Variants in TWSG1 observed in about 807,000 individuals in gnomAD.
The protein encoded by TWSG1 is twisted gastrulation BMP signaling modulator 1, also known as twisted gastrulation protein homolog 1.
A neutral mutation model predicts 23.0 loss-of-function variants in TWSG1; 15 were observed. The observed-to-expected ratio is 0.65, with a 90% CI of 0.44 to 1.00. The LOEUF is 1.00. Among genes scored for constraint, TWSG1 ranks in the 50% least tolerant of loss-of-function variants. The probability of loss-of-function intolerance (pLI) is 0.00; values close to 1 mark genes in which losing one functional copy is unlikely to be tolerated. For missense variants in TWSG1, 242 were observed against 278.7 expected (o/e 0.87, Z 0.94); for synonymous variants, 86 against 92.8 (o/e 0.93, Z 0.42).
At chr18:9,351,378 A>G (rs1487816090) in intron 2 of TWSG1, among the ~76,000 whole-genome samples, 1 of 152,134 alleles carries the variant, frequency 6.6e-6, no homozygotes, top group Non-Finnish European at 1.5e-5. Context: ...ATTATTTTTA[A>G]CAATTTTATG....
At chr18:9,343,210 TTATATATATATATATATATATATATATA>T (rs6146209) in intron 2 of TWSG1, among the ~76,000 whole-genome samples, 1,464 of 132,120 alleles carry the variant, frequency 0.011, 78 homozygotes, top group African/African-American at 0.039. Flanking sequence ...TTGTTTTTTG[TTATATATATATATATATATATATATATA>T]TATATATATA....
chr18:9,366,508 A>AAG (rs1476517323), intron 3 of TWSG1, among the ~76,000 whole-genome samples: 1 of 151,984 alleles, frequency 6.6e-6, no homozygotes, highest in Non-Finnish European at 1.5e-5. Context: ...AATTCCTTGA[A>AAG]CTCTGACTTT....
At chr18:9,379,268 T>C (rs2040645289) in intron 3 of TWSG1, among the ~76,000 whole-genome samples, 1 of 152,120 alleles carries the variant, frequency 6.6e-6, no homozygotes, top group African/African-American at 2.4e-5. Flanking sequence ...TCAACCTAAA[T>C]GCCCATCGAT....
chr18:9,377,966 G>C (rs551967640), intron 3 of TWSG1, among the ~76,000 whole-genome samples: 1 of 152,194 alleles, frequency 6.6e-6, no homozygotes, highest in Non-Finnish European at 1.5e-5. Flanking sequence ...TGATCCACCC[G>C]CCTCGGCCTC....
At position 9,338,659 on chromosome 18, in the gene TWSG1, C is replaced by T. The variant is rs951202737; in HGVS notation, c.123+1307C>T. 3.2e-4 allele frequency among the ~76,000 whole-genome samples: 49 copies of T among 152,194 alleles called. 1 individual carries two copies. Reference sequence around the variant, plus strand: ...TTTGTATGTGGAAATCTTAATAAGGCACGCCTGCTTAGGCTTGTGTTGGCT... The same window carrying T: ...TTTGTATGTGGAAATCTTAATAAGGTACGCCTGCTTAGGCTTGTGTTGGCT... On this transcript the variant is annotated intron_variant, in intron 2 of 4. Transcript: ENST00000262120.
chr18:9,343,032 A>T (rs1212154794), intron 2 of TWSG1, among the ~76,000 whole-genome samples: 1 of 151,980 alleles, frequency 6.6e-6, no homozygotes, highest in African/African-American at 2.4e-5. Context: ...TATTCTCTAT[A>T]GGTAACTTTG....
At chr18:9,353,296 T>C (rs4567794) in intron 2 of TWSG1, among the ~76,000 whole-genome samples, 82,793 of 152,076 alleles carry the variant, frequency 0.54, 23,704 homozygotes, top group East Asian at 0.72. Context: ...TCTCTAAAGA[T>C]GATCGAATCT....
intron 2 of TWSG1, among the ~76,000 whole-genome samples, chr18:9,350,714 A>T (rs2040498466): frequency 6.6e-6 from 1 of 152,226 alleles, no homozygotes; most frequent in African/African-American, 2.4e-5. Flanking sequence ...ATACTGATTC[A>T]TTCAAGTGTA....
rs775837207 is a variant in TWSG1 at position 9,340,367 on chromosome 18, CAAAAAAA to C, written c.123+3032_123+3038del. On this transcript the variant is annotated intron_variant, in intron 2 of 4. Coordinates refer to ENST00000262120, the MANE Select transcript of TWSG1 (RefSeq NM_020648.6). ...TGGGCGACAGAGCAAGACTCCATTT[CAAAAAAA>C]AAAAAAAAAAAAAAAAGAAAAGATC... Among the ~76,000 whole-genome samples the C allele has an allele frequency of 3.4e-3, 229 of 67,104 alleles. 2 individuals carry two copies. Among genetic ancestry groups the C allele is most frequent in the Middle Eastern group, 0.018 (2 of 112 alleles). The allele number at this position is 67,104 out of a possible 152,430, so 44.0% of individuals were successfully genotyped here. A position where few individuals can be genotyped will look rare whatever the true frequency, so the allele number is the denominator to read the frequency against.
chr18:9,360,869 C>A (rs1434662890), intron 3 of TWSG1, among the ~76,000 whole-genome samples: 4 of 152,210 alleles, frequency 2.6e-5, no homozygotes, highest in Non-Finnish European at 5.9e-5. Context: ...TTCAGCGTTG[C>A]ACTGCTTCCA....
At chr18:9,358,282 G>A (rs556970117) in intron 2 of TWSG1, among the ~76,000 whole-genome samples, 19 of 152,068 alleles carry the variant, frequency 1.2e-4, no homozygotes, top group Admixed American at 2.0e-4. Context: ...ATTTTGAAAC[G>A]GCCTCCCCAG....
At chr18:9,372,638 G>C (rs2040611259) in intron 3 of TWSG1, among the ~76,000 whole-genome samples, 1 of 150,936 alleles carries the variant, frequency 6.6e-6, no homozygotes, top group Non-Finnish European at 1.5e-5. Context: ...GAGGAATTAG[G>C]ATTATTTTGT....
At chr18:9,377,728 G>C (rs775750463) in intron 3 of TWSG1, among the ~76,000 whole-genome samples, 21 of 151,754 alleles carry the variant, frequency 1.4e-4, no homozygotes, top group Non-Finnish European at 2.4e-4. Context: ...AATTTTTGGG[G>C]TTTTGTTTGA....
chr18:9,368,279 G>T (rs1307625534), intron 3 of TWSG1, among the ~76,000 whole-genome samples: 1 of 152,132 alleles, frequency 6.6e-6, no homozygotes, highest in East Asian at 1.9e-4. Context: ...TTGGCTCACT[G>T]CAACCTCCGC....
At chr18:9,344,924 T>A (rs1482028374) in intron 2 of TWSG1, among the ~76,000 whole-genome samples, 1 of 152,060 alleles carries the variant, frequency 6.6e-6, no homozygotes, top group Non-Finnish European at 1.5e-5. Context: ...ATTTTTAAAA[T>A]TTTTAAATTC....
At chr18:9,349,911 G>A (rs976293905) in intron 2 of TWSG1, among the ~76,000 whole-genome samples, 1 of 152,306 alleles carries the variant, frequency 6.6e-6, no homozygotes, top group African/African-American at 2.4e-5. Context: ...GGAGGCTGAG[G>A]CGGGCAGGTC....
intron 4 of TWSG1, among the ~76,000 whole-genome samples, chr18:9,399,063 T>C (rs1207138135): frequency 6.6e-6 from 1 of 151,840 alleles, no homozygotes; most frequent in Non-Finnish European, 1.5e-5. Flanking sequence ...ATAGCAAATG[T>C]TTTTAAGCCC....
chr18:9,355,766 G>T (rs2040524140), intron 2 of TWSG1, among the ~76,000 whole-genome samples: 1 of 152,210 alleles, frequency 6.6e-6, no homozygotes, highest in African/African-American at 2.4e-5. Flanking sequence ...AAATGGAAAA[G>T]GCACAGATGC....
In TWSG1 at chr18:9,398,749, A is replaced by G. The variant is rs1183422895; in HGVS notation, c.491-597A>G. ...GTTGGGATTACAGGCTTGAGCTACC[A>G]TGCCTGGCCTGCATTTGCAGTTCTG... On this transcript the variant is annotated intron_variant, in intron 4 of 4. Coordinates refer to ENST00000262120, the MANE Select transcript of TWSG1 (RefSeq NM_020648.6). 2.0e-5 allele frequency among the ~76,000 whole-genome samples: 3 copies of G among 152,114 alleles called. No individual in the cohort carries two copies. The East Asian group carries it at 5.8e-4, about 29-fold the overall frequency.
Sources: gnomAD v4.1 joint callset for allele counts (sites outside exome capture counted in the v4.1 genomes callset) on GRCh38, gnomAD v4.1.1 for gene constraint, MANE v1.5 for transcripts, NCBI Gene and HGNC (gene_info 2026-07-23, HGNC 2026-07-21) for gene names.